The following POLR2C variants were observed in gnomAD, a reference collection of about 807,000 sequenced individuals.
POLR2C encodes the protein DNA-directed RNA polymerase II subunit RPB3.
In POLR2C, 36 loss-of-function variants were observed where a neutral mutation model predicts 41.7. That is an observed-to-expected ratio of 0.86 (90% CI 0.66 to 1.14). The LOEUF is 1.14. Ranked by LOEUF, POLR2C falls within the 50% of genes most tolerant of loss-of-function variation. The pLI is 0.00. For missense variants in POLR2C, 260 were observed against 350.4 expected (o/e 0.74, Z 2.06); for synonymous variants, 133 against 137.8 (o/e 0.96, Z 0.25).
At chr16:57,470,922 C>T (rs1793972173) in intron 8 of POLR2C, 53 bp from the exon 9 acceptor site, 2 of 1,590,978 alleles carry the variant, frequency 1.3e-6, no homozygotes, top group Non-Finnish European at 1.7e-6. Context: ...ATGGCCAGAG[C>T]TCGGGTCGGC....
Position 57,471,037 on chromosome 16 carries a change from T to G in POLR2C, c.746T>G (p.Leu249Arg). 1 of 1,613,420 alleles carries G rather than the reference T, an allele frequency of 6.2e-7. No individual in the cohort carries two copies. Among genetic ancestry groups the G allele is most frequent in the Non-Finnish European group, 8.5e-7 (1 of 1,179,382 alleles). ...CCTGAAACCATTGTCCTGTCAGCCC[T>G]CTCAGGATTGAAGAAGAAACTGAGT... ...LRPETIVLSA[L>R]SGLKKKLSDL... is the part of the protein sequence containing the mutation. The change falls in exon 9 of 9, where the codon CTC becomes CGC. Residue 249 changes from leucine (L) to arginine (R), a missense_variant. Physicochemically the swap from Leu to Arg is moderately radical, Grantham distance 102. Coordinates refer to ENST00000219252, the MANE Select transcript of POLR2C (RefSeq NM_032940.3).
Position 57,469,026 on chromosome 16 carries a change from A to G in POLR2C, c.259-139A>G, listed in dbSNP as rs2030767989. ...TACCAGATTGTCACAGCCCACAAGAACCTGGATACTGATGAACCCCTTTTT... is the reference window on the plus strand; with the variant it reads ...TACCAGATTGTCACAGCCCACAAGAGCCTGGATACTGATGAACCCCTTTTT... On this transcript the variant is annotated intron_variant, in intron 4 of 8. Transcript: ENST00000219252. The surrounding 1 kb of genome is among the most constrained non-coding windows in gnomAD (Gnocchi z 5.8). 1.3e-6 allele frequency: 1 copy of G among 767,688 alleles called. No homozygotes were observed. Among genetic ancestry groups the G allele is most frequent in the South Asian group, 1.8e-5 (1 of 55,966 alleles). The allele number at this position is 767,688 out of a possible 1,614,324, so 47.6% of individuals were successfully genotyped here.
intron 2 of POLR2C, chr16:57,463,336 G>C: frequency 3.4e-6 from 2 of 586,100 alleles, no homozygotes; most frequent in South Asian, 2.1e-5. Flanking sequence ...GTGCAGACTT[G>C]GGTTCAAATA....
In POLR2C at chr16:57,471,744, T is replaced by TGGGGGTGGGGGTGGGGGG. The variant is rs2030851948; in HGVS notation, c.*642_*643insGGGGGGTGGGGGTGGGGG. The TGGGGGTGGGGGTGGGGGG allele has an allele frequency of 1.8e-4, 1 of 5,428 alleles. No individual in the cohort carries two copies. The highest frequency in any genetic ancestry group is 1.1e-3 in the African/African-American group (1 of 936). 0.3% of individuals were successfully genotyped at this position (5,428 alleles called of 1,614,324 possible). On this transcript the variant is annotated 3_prime_UTR_variant, in exon 9 of 9. Coordinates refer to ENST00000219252, the MANE Select transcript of POLR2C (RefSeq NM_032940.3). ...ACCTGATCATTTAGTTTGGTGGGGG[T>TGGGGGTGGGGGTGGGGGG]GGGGGTGGGGGTGGGGGTGGAAGCA...
intron 4 of POLR2C, among the ~76,000 whole-genome samples, chr16:57,466,480 G>A (rs2030711713): frequency 6.6e-6 from 1 of 152,154 alleles, no homozygotes; most frequent in African/African-American, 2.4e-5. Context: ...TAGAGTGGAG[G>A]TTCTTCCTTC....
rs2030846776 is a variant in POLR2C, at chr16:57,471,710, C to T, written c.*591C>T. The stretch of plus-strand genomic sequence containing the variant: ...TGTCCAGCAGTCATGAACCCCTTCA[C>T]CTCCAATGACCTGATCATTTAGTTT... On this transcript the variant is annotated 3_prime_UTR_variant, in exon 9 of 9. Coordinates refer to ENST00000219252, the MANE Select transcript of POLR2C (RefSeq NM_032940.3). 8.0e-6 allele frequency: 1 copy of T among 125,524 alleles called. No homozygotes were observed. Among genetic ancestry groups the T allele is most frequent in the Admixed American group, 1.1e-4 (1 of 8,884 alleles). The allele number at this position is 125,524 out of a possible 1,614,324, so 7.8% of individuals were successfully genotyped here.
At position 57,469,861 on chromosome 16, in the gene POLR2C, G is replaced by A. The variant is rs223874; in HGVS notation, c.439+100G>A. On this transcript the variant is annotated intron_variant, in intron 6 of 8. Coordinates refer to ENST00000219252, the MANE Select transcript of POLR2C (RefSeq NM_032940.3). The surrounding 1 kb of genome is among the most constrained non-coding windows in gnomAD (Gnocchi z 5.8). ...TCTCCTCGAAAATTGGCTTTAGACC[G>A]TTTTTCCAGATGTGTGTGGTCTTGC... 1,169,392 of 1,577,340 alleles carry A rather than the reference G, an allele frequency of 0.74. 437,500 individuals are homozygous for A. Among genetic ancestry groups the A allele is most frequent in the African/African-American group, 0.95 (70,514 of 74,284 alleles).
chr16:57,467,574 AAAT>A (rs1473045750), intron 4 of POLR2C, among the ~76,000 whole-genome samples: 2 of 152,360 alleles, frequency 1.3e-5, no homozygotes, highest in African/African-American at 4.8e-5. Context: ...TGAAAAACTA[AAAT>A]AATACCCTTT....
rs2146605818 is a variant in POLR2C, at chr16:57,471,201, T to G, written c.*82T>G. ...GGTCTCTCTTCAGACTCTTCTCGTT[T>G]CTGAGAATCTAGTCTACTGTTGGTT... On this transcript the variant is annotated 3_prime_UTR_variant, in exon 9 of 9. Coordinates refer to ENST00000219252, the MANE Select transcript of POLR2C (RefSeq NM_032940.3). 1 of 1,209,916 alleles carries G rather than the reference T, an allele frequency of 8.3e-7. No individual in the cohort carries two copies. Among genetic ancestry groups the G allele is most frequent in the Non-Finnish European group, 1.2e-6 (1 of 829,604 alleles). 74.9% of individuals were successfully genotyped at this position (1,209,916 alleles called of 1,614,324 possible).
intron 4 of POLR2C, among the ~76,000 whole-genome samples, chr16:57,467,453 C>G (rs1250592307): frequency 6.6e-6 from 1 of 152,188 alleles, no homozygotes; most frequent in Non-Finnish European, 1.5e-5. Flanking sequence ...TACGCATGCT[C>G]TATCACCTAG....
chr16:57,466,022 G>A lies in POLR2C; in HGVS notation c.205+1G>A. On this transcript the variant is annotated splice_donor_variant, in intron 3 of 8. Coordinates refer to ENST00000219252, the MANE Select transcript of POLR2C (RefSeq NM_032940.3). LOFTEE classifies it high-confidence loss of function. ...GATGAATTCATTGCTCACAGGCTTG[G>A]TGAGTACTCCTTTTACTAGGAGGTT... The A allele has an allele frequency of 6.3e-7, 1 of 1,583,584 alleles. No individual in the cohort carries two copies. Among genetic ancestry groups the A allele is most frequent in the South Asian group, 1.1e-5 (1 of 90,454 alleles).
Position 57,468,582 on chromosome 16 carries a change from A to T in POLR2C, c.259-583A>T, listed in dbSNP as rs2030759665. Reference sequence around the variant, plus strand: ...TGGGAATGAGTCAGTTGTTTTAAGAATGGCAAAATGTTAATAATTATGGAA... The same window carrying T: ...TGGGAATGAGTCAGTTGTTTTAAGATTGGCAAAATGTTAATAATTATGGAA... On this transcript the variant is annotated intron_variant, in intron 4 of 8. Transcript: ENST00000219252. Among the ~76,000 whole-genome samples the T allele has an allele frequency of 3.3e-5, 5 of 152,340 alleles. No homozygotes were observed. The South Asian group carries it at 1.0e-3, about 32-fold the overall frequency.
rs1162956004 is a variant in POLR2C at position 57,471,832 on chromosome 16, GGCTC to G, written c.*714_*717del. 6.6e-6 allele frequency: 1 copy of G among 152,284 alleles called. No individual in the cohort carries two copies. Among genetic ancestry groups the G allele is most frequent in the Non-Finnish European group, 1.5e-5 (1 of 68,040 alleles). The allele number at this position is 152,284 out of a possible 1,614,324, so 9.4% of individuals were successfully genotyped here. A position where few individuals can be genotyped will look rare whatever the true frequency, so the allele number is the denominator to read the frequency against. On this transcript the variant is annotated 3_prime_UTR_variant, in exon 9 of 9. Transcript: ENST00000219252. ...GAGTATTTCATTTCTCCTTAATGAA[GGCTC>G]TGGCCCTAACCCCTCAGCACTGTCT... is the stretch of plus-strand genomic sequence containing the variant.
At chr16:57,465,858 A>G (rs1475843434) in intron 2 of POLR2C, 95 bp from the exon 3 acceptor site, 1 of 812,968 alleles carries the variant, frequency 1.2e-6, no homozygotes, top group Non-Finnish European at 2.2e-6. Context: ...TCTGCAGTTT[A>G]GTGTCAGGTG....
At position 57,470,145 on chromosome 16, in the gene POLR2C, G is replaced by A. The variant is rs746645346; in HGVS notation, c.608+16G>A. 1 of 1,607,658 alleles carries A rather than the reference G, an allele frequency of 6.2e-7. No individual in the cohort carries two copies. The highest frequency in any genetic ancestry group is 8.5e-7 in the Non-Finnish European group (1 of 1,176,988). On this transcript the variant is annotated intron_variant, in intron 7 of 8. Transcript: ENST00000219252. The stretch of plus-strand genomic sequence containing the variant: ...CCGAGGAATGGTATGTTCCCCTTAG[G>A]AGTGATGGCAGGCATTTGGGGTGGG...
Position 57,469,525 on chromosome 16 carries a change from T to A in POLR2C, c.388-185T>A, listed in dbSNP as rs537136814. Reference sequence around the variant, plus strand: ...ACTCTTTTAAAGGCCATGGAATTGTTTTGCCTGAGGCTACCACCACACCCT... The same window carrying A: ...ACTCTTTTAAAGGCCATGGAATTGTATTGCCTGAGGCTACCACCACACCCT... On this transcript the variant is annotated intron_variant, in intron 5 of 8. Coordinates refer to ENST00000219252, the MANE Select transcript of POLR2C (RefSeq NM_032940.3). This position sits in a 1 kb window ranked among gnomAD's most constrained non-coding sequence, Gnocchi z 5.8. The A allele has an allele frequency of 2.7e-6, 2 of 732,110 alleles. No homozygotes were observed. The highest frequency in any genetic ancestry group is 4.8e-6 in the Non-Finnish European group (2 of 417,306). 45.4% of individuals were successfully genotyped at this position (732,110 alleles called of 1,614,324 possible).
chr16:57,465,926 T>TC, intron 2 of POLR2C, 27 bp from the exon 3 acceptor site: 1 of 1,473,062 alleles, frequency 6.8e-7, no homozygotes, highest in Non-Finnish European at 9.5e-7. Context: ...ATGGCTAAAC[T>TC]CCATGTCTGC....
rs759223828 is a variant in POLR2C, at chr16:57,463,062, T to C, written c.120T>C (p.Ala40=). ...VANSIRRVFI[A]EVPIIAIDWV... Reference sequence around the variant, plus strand: ...ATTCGATTCGGAGGGTCTTCATCGCTGAGGTTCCCATAATAGGTAAGCGAC... The same window carrying C: ...ATTCGATTCGGAGGGTCTTCATCGCCGAGGTTCCCATAATAGGTAAGCGAC... The change falls in exon 2 of 9, where the codon GCT becomes GCC. Residue 40 remains alanine, a synonymous_variant. Transcript: ENST00000219252. 1.9e-6 allele frequency: 3 copies of C among 1,613,466 alleles called. No homozygotes were observed. In the Admixed American group the frequency reaches 5.0e-5, roughly 27 times the overall value.
chr16:57,462,876 G>A (rs2030607752), intron 1 of POLR2C, 66 bp downstream of exon 1: 2 of 1,330,958 alleles, frequency 1.5e-6, no homozygotes, highest in Non-Finnish European at 2.1e-6. Context: ...GGGGCCCCGG[G>A]GCAGGGGGCG....
Sources: gnomAD v4.1 joint callset for allele counts (sites outside exome capture counted in the v4.1 genomes callset) on GRCh38, gnomAD v4.1.1 for gene constraint, Gnocchi (gnomAD v3.1) non-coding constraint, MANE v1.5 for transcripts, NCBI Gene and HGNC (gene_info 2026-07-23, HGNC 2026-07-21) for gene names.